COL4A4: variants seen among roughly 807,000 people sequenced by gnomAD.
COL4A4 encodes the protein collagen type IV alpha 4 chain, also known as collagen alpha-4(IV) chain.
COL4A4 carries 105 observed loss-of-function variants against 192.9 expected under a neutral mutation model. The observed-to-expected ratio is 0.54, with a 90% CI of 0.46 to 0.64. The LOEUF (loss-of-function observed/expected upper bound fraction) is 0.64. Ranked by LOEUF, COL4A4 falls within the 30% of genes least tolerant of loss-of-function variation. The probability of loss-of-function intolerance (pLI) is 0.00; values close to 1 mark genes in which losing one functional copy is unlikely to be tolerated. For synonymous variants in COL4A4, 762 were observed against 769.9 expected (o/e 0.99, Z 0.17); for missense variants, 1,967 against 2,169.3 (o/e 0.91, Z 1.85).
intron 1 of COL4A4, among the ~76,000 whole-genome samples, chr2:227,159,582 C>A (rs2064651185): frequency 6.6e-6 from 1 of 152,252 alleles, no homozygotes; most frequent in Non-Finnish European, 1.5e-5. Context: ...CCCCATATGT[C>A]ATGGGAGGGA....
intron 3 of COL4A4, among the ~76,000 whole-genome samples, chr2:227,140,874 A>AAC (rs1559725543): frequency 1.9e-5 from 2 of 108,078 alleles, no homozygotes; most frequent in Non-Finnish European, 3.6e-5. Flanking sequence ...TCTTTAGAGC[A>AAC]TCACACACAC....
chr2:227,117,889 T>C (rs1018755903), intron 7 of COL4A4, among the ~76,000 whole-genome samples: 2 of 152,158 alleles, frequency 1.3e-5, no homozygotes, highest in Non-Finnish European at 2.9e-5. Context: ...TTCTAATATA[T>C]TTTTTTGCAT....
At position 227,099,673 on chromosome 2, in the gene COL4A4, C is replaced by T. The variant is rs768664524; in HGVS notation, c.1046G>A (p.Arg349Gln). Reference protein sequence around the residue: ...LIGPKGDPGNRGHPGPPGVLV... With the variant: ...LIGPKGDPGNQGHPGPPGVLV... ...AACACCTGGTGGTCCTGGGTGCCCT[C>T]GATTTCCAGGATCCCCCTGAAATCA... Residue 349 changes from arginine (R) to glutamine (Q), a missense_variant, in exon 18 of 48, where the codon CGA (arginine) becomes CAA (glutamine). Coordinates refer to ENST00000396625, the MANE Select transcript of COL4A4 (RefSeq NM_000092.5). 29 of 1,613,908 alleles carry T rather than the reference C, an allele frequency of 1.8e-5. No individual in the cohort carries two copies. The East Asian group carries it at 4.7e-4, about 26-fold the overall frequency.
chr2:227,100,760 C>T (rs2060463811), intron 17 of COL4A4, among the ~76,000 whole-genome samples: 1 of 151,446 alleles, frequency 6.6e-6, no homozygotes, highest in Non-Finnish European at 1.5e-5. Flanking sequence ...GGAAGGAACC[C>T]AGTGGGAGGT....
At chr2:227,041,916 AAG>A (rs773244635) in intron 37 of COL4A4, among the ~76,000 whole-genome samples, 4 of 150,738 alleles carry the variant, frequency 2.7e-5, no homozygotes, top group South Asian at 2.1e-4. Flanking sequence ...GAAAGAAAGA[AAG>A]AAAGAAAATG....
the COL4A4 span, among the ~76,000 whole-genome samples, chr2:226,971,460 T>A: frequency 6.6e-6 from 1 of 152,264 alleles, no homozygotes; most frequent in African/African-American, 2.4e-5. Flanking sequence ...TTTCTCATTG[T>A]TTTGTTCCAA....
intron 19 of COL4A4, among the ~76,000 whole-genome samples, chr2:227,096,449 T>C (rs1038553569): frequency 2.6e-5 from 4 of 152,224 alleles, no homozygotes; most frequent in African/African-American, 9.6e-5. Flanking sequence ...ATTAAATTAA[T>C]GGCTGTCATT....
intron 1 of COL4A4, among the ~76,000 whole-genome samples, chr2:227,161,297 C>G (rs1047572610): frequency 6.6e-6 from 1 of 152,150 alleles, no homozygotes; most frequent in Admixed American, 6.5e-5. Context: ...GTGTAGAAAA[C>G]GGACATGATA....
chr2:227,010,579 G>T, intron 45 of COL4A4, 78 bp from the exon 46 acceptor site: 1 of 1,251,508 alleles, frequency 8.0e-7, no homozygotes, highest in Non-Finnish European at 1.1e-6. Flanking sequence ...CTCTGTTCTG[G>T]CACTGTGCTA....
intron 12 of COL4A4, among the ~76,000 whole-genome samples, chr2:227,105,188 ATT>A (rs36065792): frequency 2.0e-4 from 21 of 104,058 alleles, no homozygotes; most frequent in African/African-American, 4.9e-4. Flanking sequence ...CAGGATCCTG[ATT>A]TTTTTTTTTT....
the COL4A4 span, among the ~76,000 whole-genome samples, chr2:226,976,871 A>G: frequency 6.6e-6 from 1 of 152,124 alleles, no homozygotes; most frequent in Non-Finnish European, 1.5e-5. Flanking sequence ...ACTTGGTGGC[A>G]TTTTATATAT....
At chr2:227,097,333 C>T (rs555628659) in intron 19 of COL4A4, among the ~76,000 whole-genome samples, 15 of 151,938 alleles carry the variant, frequency 9.9e-5, no homozygotes, top group South Asian at 4.2e-4. Flanking sequence ...TGTCACATAC[C>T]GAAAATGTAT....
chr2:227,141,634 A>G (rs1040697690), intron 3 of COL4A4, among the ~76,000 whole-genome samples: 1 of 152,202 alleles, frequency 6.6e-6, no homozygotes, highest in Non-Finnish European at 1.5e-5. Flanking sequence ...TTTGTAAACA[A>G]TATTCTCATG....
chr2:227,106,533 C>G (rs2060853163), intron 12 of COL4A4, among the ~76,000 whole-genome samples: 1 of 149,750 alleles, frequency 6.7e-6, no homozygotes, highest in Non-Finnish European at 1.5e-5. Flanking sequence ...TCTAGAACAT[C>G]TGAGAATTCT....
At chr2:227,037,601 CAGT>C (rs1239330529) in intron 37 of COL4A4, among the ~76,000 whole-genome samples, 1 of 152,158 alleles carries the variant, frequency 6.6e-6, no homozygotes, top group African/African-American at 2.4e-5. Flanking sequence ...GGTATAAACC[CAGT>C]AATGGGATCA....
At chr2:227,083,370 T>C (rs1014477649) in intron 22 of COL4A4, among the ~76,000 whole-genome samples, 17 of 152,064 alleles carry the variant, frequency 1.1e-4, no homozygotes, top group Non-Finnish European at 2.1e-4. Flanking sequence ...GCAAAGAAAT[T>C]GGAGGGAGGT....
At chr2:227,126,293 A>T (rs909008442) in intron 4 of COL4A4, among the ~76,000 whole-genome samples, 9 of 152,230 alleles carry the variant, frequency 5.9e-5, no homozygotes, top group African/African-American at 2.2e-4. Context: ...AACTGGAACC[A>T]ATTCCTCATG....
At chr2:227,141,547 C>T (rs1210480778) in intron 3 of COL4A4, among the ~76,000 whole-genome samples, 1 of 152,070 alleles carries the variant, frequency 6.6e-6, no homozygotes, top group Non-Finnish European at 1.5e-5. Context: ...ACAGTTTAGG[C>T]TTATTTTTTG....
At chr2:226,989,904 G>C in the COL4A4 span, among the ~76,000 whole-genome samples, 3,229 of 152,316 alleles carry the variant, frequency 0.021, 49 homozygotes, top group Middle Eastern at 0.085. Flanking sequence ...AAGGCTTCTT[G>C]TTTTGAGATT....
Sources: allele counts gnomAD v4.1 joint callset (sites outside exome capture counted in the v4.1 genomes callset), GRCh38; gene constraint gnomAD v4.1.1; transcripts MANE v1.5; gene names NCBI Gene and HGNC (gene_info 2026-07-23, HGNC 2026-07-21).